The following COL4A3 variants were observed in gnomAD, a reference collection of about 807,000 sequenced individuals.
COL4A3 encodes the protein collagen type IV alpha 3 chain.
COL4A3 carries 135 observed loss-of-function variants against 217.4 expected under a neutral mutation model. The observed-to-expected ratio is 0.62, with a 90% CI of 0.54 to 0.72. COL4A3 has a LOEUF of 0.72. Ranked by LOEUF, COL4A3 falls within the 30% of genes least tolerant of loss-of-function variation. COL4A3 has a pLI of 0.00. For missense variants in COL4A3, 1,868 were observed against 2,119.9 expected (o/e 0.88, Z 2.33); for synonymous variants, 690 against 736.3 (o/e 0.94, Z 1.02).
chr2:227,216,309 T>C (rs1006879223), intron 1 of COL4A3, among the ~76,000 whole-genome samples: 18 of 152,218 alleles, frequency 1.2e-4, no homozygotes, highest in African/African-American at 4.1e-4. Flanking sequence ...TAAAATGTAC[T>C]GACTGGGTAT....
intron 1 of COL4A3, among the ~76,000 whole-genome samples, chr2:227,195,083 A>AT (rs1332904476): frequency 2.0e-5 from 3 of 152,108 alleles, no homozygotes; most frequent in Non-Finnish European, 4.4e-5. Flanking sequence ...TTATAAGTGA[A>AT]TTTTTTTCAT....
chr2:227,240,459 C>T (rs571947057), intron 3 of COL4A3, among the ~76,000 whole-genome samples: 7 of 152,272 alleles, frequency 4.6e-5, no homozygotes, highest in African/African-American at 1.7e-4. Flanking sequence ...GTTCATCTCC[C>T]TCCCTAACCT....
intron 21 of COL4A3, chr2:227,265,190 A>AT (rs1417926174): frequency 3.0e-4 from 45 of 152,254 alleles, no homozygotes; most frequent in Admixed American, 2.9e-3. Context: ...ATGAAAATGT[A>AT]TAAGTATACA....
At chr2:227,211,952 C>A (rs1288746993) in intron 1 of COL4A3, among the ~76,000 whole-genome samples, 1 of 152,152 alleles carries the variant, frequency 6.6e-6, no homozygotes, top group Non-Finnish European at 1.5e-5. Flanking sequence ...TAGGTGTGAG[C>A]CACCGTGCCC....
In COL4A3 at chr2:227,241,908, AC is replaced by A. The variant is rs1415751770; in HGVS notation, c.234+1677del. ...CCACTACATGGATGAGAAAACGGAC[AC>A]AGAGCACTTGAGTAATTTTTCCTGG... On this transcript the variant is annotated intron_variant, in intron 3 of 51. Transcript: ENST00000396578. 7.9e-5 allele frequency among the ~76,000 whole-genome samples: 12 copies of A among 152,168 alleles called. 1 individual carries two copies. The highest frequency in any genetic ancestry group is 5.9e-4 in the Admixed American group (9 of 15,276).
At chr2:227,231,875 C>T (rs1574636550) in intron 1 of COL4A3, among the ~76,000 whole-genome samples, 1 of 151,178 alleles carries the variant, frequency 6.6e-6, no homozygotes, top group African/African-American at 2.4e-5. Flanking sequence ...TGACTATAAT[C>T]ACCCTACTGT....
intron 1 of COL4A3, among the ~76,000 whole-genome samples, chr2:227,170,370 G>T (rs954169550): frequency 2.0e-5 from 3 of 151,868 alleles, no homozygotes; most frequent in African/African-American, 4.8e-5. Context: ...ACATACCCAA[G>T]ACTCGATAAT....
intron 1 of COL4A3, among the ~76,000 whole-genome samples, chr2:227,180,041 G>A (rs911997399): frequency 6.6e-6 from 1 of 152,164 alleles, no homozygotes; most frequent in Non-Finnish European, 1.5e-5. Context: ...TGTTGGTAAT[G>A]AACTCAGAAA....
rs750872451 is a variant in COL4A3 at position 227,294,563 on chromosome 2, C to A, written c.3411C>A (p.Gly1137=). 1 of 1,609,404 alleles carries A rather than the reference C, an allele frequency of 6.2e-7. No homozygotes were observed. The highest frequency in any genetic ancestry group is 8.5e-7 in the Non-Finnish European group (1 of 1,175,692). Residue 1137 remains glycine, a synonymous_variant, in exon 39 of 52, where the codon GGC becomes GGA. Coordinates refer to ENST00000396578, the MANE Select transcript of COL4A3 (RefSeq NM_000091.5). ...KGLLGPPGIR[G]PPGLPGFPGS... The stretch of plus-strand genomic sequence containing the variant: ...TCCTGGGCCCTCCAGGAATCAGAGG[C>A]CCTCCAGGTTTCATTTTTGTACTTT...
chr2:227,312,931 A>G lies in COL4A3; in HGVS notation c.*1061A>G, dbSNP rs989921257. On this transcript the variant is annotated 3_prime_UTR_variant, in exon 52 of 52. Coordinates refer to ENST00000396578, the MANE Select transcript of COL4A3 (RefSeq NM_000091.5). The stretch of plus-strand genomic sequence containing the variant: ...CTTCTCTAATTCTTCCTTTGTAAAA[A>G]AAAAAAAAAGCAACACTTTTTATGT... 6.6e-6 allele frequency: 1 copy of G among 152,420 alleles called. No individual in the cohort carries two copies. Among genetic ancestry groups the G allele is most frequent in the Non-Finnish European group, 1.5e-5 (1 of 68,000 alleles). The allele number at this position is 152,420 out of a possible 1,614,324, so 9.4% of individuals were successfully genotyped here.
chr2:227,299,979 C>T (rs1047979703), intron 43 of COL4A3, among the ~76,000 whole-genome samples: 1 of 152,202 alleles, frequency 6.6e-6, no homozygotes, highest in African/African-American at 2.4e-5. Context: ...TTTCTGCCCC[C>T]CAAATGCCTG....
intron 1 of COL4A3, among the ~76,000 whole-genome samples, chr2:227,229,514 A>C (rs958079535): frequency 2.6e-5 from 4 of 152,192 alleles, no homozygotes; most frequent in African/African-American, 9.6e-5. Context: ...AGGGACTTCA[A>C]GAGGAAATGT....
intron 1 of COL4A3, among the ~76,000 whole-genome samples, chr2:227,202,262 G>C (rs1193036315): frequency 4.6e-5 from 7 of 152,080 alleles, no homozygotes; most frequent in Non-Finnish European, 8.8e-5. Flanking sequence ...ATTTACACTT[G>C]TCTGTATTTT....
intron 19 of COL4A3, 93 bp downstream of exon 19, chr2:227,259,970 G>A: frequency 1.1e-6 from 1 of 897,004 alleles, no homozygotes; most frequent in Non-Finnish European, 1.9e-6. Context: ...AATTGACATG[G>A]GTGAGGAAAG....
At position 227,218,915 on chromosome 2, in the gene COL4A3, A is replaced by C. The variant is rs190297320; in HGVS notation, c.88-19053A>C. On this transcript the variant is annotated intron_variant, in intron 1 of 51. Coordinates refer to ENST00000396578, the MANE Select transcript of COL4A3 (RefSeq NM_000091.5). ...ATATCCTTTCGTATTTCTACAAAAC[A>C]GATGTTGCCATTATGTGGAATTTGT... Among the ~76,000 whole-genome samples the C allele has an allele frequency of 6.3e-4, 96 of 152,360 alleles. 1 individual carries two copies. Among genetic ancestry groups the C allele is most frequent in the Admixed American group, 6.2e-3 (95 of 15,300 alleles).
intron 38 of COL4A3, 69 bp from the exon 39 acceptor site, chr2:227,294,421 T>G: frequency 9.7e-7 from 1 of 1,026,638 alleles, no homozygotes; most frequent in Non-Finnish European, 1.6e-6. Flanking sequence ...AACAGACCGT[T>G]TCAGTCACTG....
At chr2:227,183,309 G>A (rs1415235072) in intron 1 of COL4A3, among the ~76,000 whole-genome samples, 1 of 151,890 alleles carries the variant, frequency 6.6e-6, no homozygotes, top group African/African-American at 2.4e-5. Flanking sequence ...CCAGGAGAAG[G>A]AGGAACAAGC....
intron 1 of COL4A3, among the ~76,000 whole-genome samples, chr2:227,168,944 G>T (rs935608608): frequency 9.3e-5 from 14 of 150,990 alleles, no homozygotes; most frequent in South Asian, 2.1e-4. Context: ...CAATGTGCAG[G>T]TTAGTTACAT....
At chr2:227,215,168 A>G (rs1254256975) in intron 1 of COL4A3, among the ~76,000 whole-genome samples, 1 of 151,710 alleles carries the variant, frequency 6.6e-6, no homozygotes, top group Non-Finnish European at 1.5e-5. Context: ...TTTTTTTTTT[A>G]ATGAAAAGTC....
Sources: gnomAD v4.1 joint callset for allele counts (sites outside exome capture counted in the v4.1 genomes callset) on GRCh38, gnomAD v4.1.1 for gene constraint, MANE v1.5 for transcripts, NCBI Gene and HGNC (gene_info 2026-07-23, HGNC 2026-07-21) for gene names.